The following SORCS3 variants were observed in gnomAD, a reference collection of about 807,000 sequenced individuals.
The protein encoded by SORCS3 is sortilin related VPS10 domain containing receptor 3, also known as VPS10 domain-containing receptor SorCS3.
Under a neutral mutation model 146.3 loss-of-function variants are expected in SORCS3, and 57 were observed. The observed-to-expected ratio is 0.39, with a 90% CI of 0.31 to 0.49. The LOEUF (loss-of-function observed/expected upper bound fraction) is 0.49. Among genes scored for constraint, SORCS3 ranks in the 20% least tolerant of loss-of-function variants. The pLI is 0.92. For synonymous variants in SORCS3, 653 were observed against 618.5 expected (o/e 1.06, Z -0.83); for missense variants, 1,341 against 1,575.5 (o/e 0.85, Z 2.52).
At chr10:104,677,460 G>A (rs1357584799) in intron 1 of SORCS3, among the ~76,000 whole-genome samples, 6 of 152,250 alleles carry the variant, frequency 3.9e-5, no homozygotes, top group Non-Finnish European at 7.3e-5. Flanking sequence ...GTGTTTTGCA[G>A]TGTTTTAATG....
At chr10:104,823,278 G>T (rs1171475617) in intron 1 of SORCS3, among the ~76,000 whole-genome samples, 1 of 152,128 alleles carries the variant, frequency 6.6e-6, no homozygotes, top group Non-Finnish European at 1.5e-5. Context: ...ATGAAATGAG[G>T]TTTAGGCCAT....
intron 3 of SORCS3, among the ~76,000 whole-genome samples, chr10:104,943,128 TATAAA>T (rs539375287): frequency 3.3e-5 from 5 of 152,176 alleles, no homozygotes; most frequent in African/African-American, 1.2e-4. Context: ...AGAAAATAAA[TATAAA>T]ATATTTTTTT....
At chr10:105,004,598 C>T (rs1317053580) in intron 4 of SORCS3, among the ~76,000 whole-genome samples, 2 of 152,086 alleles carry the variant, frequency 1.3e-5, no homozygotes, top group Non-Finnish European at 2.9e-5. Context: ...CAGATCCCTG[C>T]TGTTTGTTTT....
intron 22 of SORCS3, among the ~76,000 whole-genome samples, chr10:105,251,867 G>A (rs547061416): frequency 6.6e-6 from 1 of 152,214 alleles, no homozygotes; most frequent in East Asian, 1.9e-4. Flanking sequence ...ACCACGTTTA[G>A]TATTTTGTTA....
chr10:104,924,175 G>A (rs943571397), intron 3 of SORCS3, among the ~76,000 whole-genome samples: 5 of 152,242 alleles, frequency 3.3e-5, no homozygotes, highest in African/African-American at 1.2e-4. Context: ...AGCTTAAAGG[G>A]CTCTCGGAGA....
chr10:104,904,020 G>A lies in SORCS3; in HGVS notation c.696-11813G>A, dbSNP rs115639948. ...TGTTATTTTAAAATGAGTCAATATT[G>A]TAAATTTTTCTCAGATGTAATTTCT... On this transcript the variant is annotated intron_variant, in intron 2 of 26. Coordinates refer to ENST00000369701, the MANE Select transcript of SORCS3 (RefSeq NM_014978.3). Among the ~76,000 whole-genome samples, 844 of 152,264 alleles carry A rather than the reference G, an allele frequency of 5.5e-3. 14 individuals carry two copies. Among genetic ancestry groups the A allele is most frequent in the African/African-American group, 0.019 (783 of 41,540 alleles).
chr10:105,084,691 A>G (rs957819800), intron 5 of SORCS3, among the ~76,000 whole-genome samples: 1 of 150,968 alleles, frequency 6.6e-6, no homozygotes, highest in Non-Finnish European at 1.5e-5. Flanking sequence ...GCAGAGTGCA[A>G]GCAGCAATTA....
intron 4 of SORCS3, among the ~76,000 whole-genome samples, chr10:105,015,750 GAC>G (rs1223970560): frequency 4.6e-5 from 7 of 151,784 alleles, no homozygotes; most frequent in African/African-American, 1.7e-4. Flanking sequence ...TTCTTTTTGA[GAC>G]ACAGTCTTAC....
Position 104,902,154 on chromosome 10 carries a change from C to T in SORCS3, c.696-13679C>T, listed in dbSNP as rs560018682. On this transcript the variant is annotated intron_variant, in intron 2 of 26. Coordinates refer to ENST00000369701, the MANE Select transcript of SORCS3 (RefSeq NM_014978.3). ...ACAACAAGACTAGAAACCCAATCAACCATAACTCATGGGGCTTGCTGAATG... is the reference window on the plus strand; with the variant it reads ...ACAACAAGACTAGAAACCCAATCAATCATAACTCATGGGGCTTGCTGAATG... Among the ~76,000 whole-genome samples, 441 of 152,288 alleles carry T rather than the reference C, an allele frequency of 2.9e-3. 2 individuals are homozygous for T. Among genetic ancestry groups the T allele is most frequent in the South Asian group, 0.019 (90 of 4,812 alleles).
chr10:104,796,860 T>G (rs541366484), intron 1 of SORCS3, among the ~76,000 whole-genome samples: 11 of 152,152 alleles, frequency 7.2e-5, no homozygotes, highest in Non-Finnish European at 1.2e-4. Flanking sequence ...AATTATTAGT[T>G]TTTTGCACAG....
At position 105,176,171 on chromosome 10, in the gene SORCS3, A is replaced by G. The variant is rs1431514435; in HGVS notation, c.1902-1895A>G. Among the ~76,000 whole-genome samples, 6 of 152,168 alleles carry G rather than the reference A, an allele frequency of 3.9e-5. No homozygotes were observed. In the East Asian group the frequency reaches 1.2e-3, roughly 29 times the overall value. ...TCATGTATTCATTTAACATGTATAT[A>G]GTATCAACTATATGCCAGGTTTTCT... On this transcript the variant is annotated intron_variant, in intron 13 of 26. Transcript: ENST00000369701.
intron 1 of SORCS3, among the ~76,000 whole-genome samples, chr10:104,803,088 T>C (rs149917249): frequency 7.7e-4 from 118 of 152,304 alleles, no homozygotes; most frequent in African/African-American, 2.8e-3. Context: ...GTCACATGCA[T>C]GCTGATAGGG....
In SORCS3 at chr10:104,915,671, T is replaced by C. The variant is rs539809717; in HGVS notation, c.696-162T>C. The stretch of plus-strand genomic sequence containing the variant: ...TAGGTAGTAAGCAGGTGCATTAGTC[T>C]AATTGCTCTTCTAAAATTAATGGGG... On this transcript the variant is annotated intron_variant, in intron 2 of 26. Transcript: ENST00000369701. Among the ~76,000 whole-genome samples the C allele has an allele frequency of 2.9e-3, 446 of 152,312 alleles. 2 individuals are homozygous for C. Among genetic ancestry groups the C allele is most frequent in the South Asian group, 0.019 (90 of 4,826 alleles).
chr10:105,029,936 T>C (rs7083262), intron 4 of SORCS3, among the ~76,000 whole-genome samples: 38,279 of 152,114 alleles, frequency 0.25, 5,358 homozygotes, highest in African/African-American at 0.35. Flanking sequence ...CCTGACCCAC[T>C]GAATTGGATT....
chr10:104,820,233 C>T (rs993137138), intron 1 of SORCS3, among the ~76,000 whole-genome samples: 1 of 152,082 alleles, frequency 6.6e-6, no homozygotes, highest in African/African-American at 2.4e-5. Context: ...TGCTTGGTTA[C>T]CTAATCTAAG....
intron 1 of SORCS3, among the ~76,000 whole-genome samples, chr10:104,827,023 A>T (rs2017944512): frequency 1.3e-5 from 2 of 152,194 alleles, no homozygotes; most frequent in Admixed American, 1.3e-4. Context: ...ACACATCTTC[A>T]GGATCCACTT....
At chr10:104,737,633 T>C (rs2016790382) in intron 1 of SORCS3, among the ~76,000 whole-genome samples, 1 of 152,210 alleles carries the variant, frequency 6.6e-6, no homozygotes, top group African/African-American at 2.4e-5. Context: ...GTTGTTTGCT[T>C]TTTTCTTGTA....
chr10:105,257,633 AT>A (rs2056939117), intron 25 of SORCS3, among the ~76,000 whole-genome samples: 1 of 152,222 alleles, frequency 6.6e-6, no homozygotes, highest in Non-Finnish European at 1.5e-5. Flanking sequence ...ATAAGATCCA[AT>A]TTTAACTTTT....
chr10:104,656,811 A>G (rs2015637382), intron 1 of SORCS3, among the ~76,000 whole-genome samples: 1 of 152,250 alleles, frequency 6.6e-6, no homozygotes, highest in Admixed American at 6.5e-5. Context: ...GATGAATGCT[A>G]AGAGGATGTA....
Sources: gnomAD v4.1 joint callset for allele counts (sites outside exome capture counted in the v4.1 genomes callset) on GRCh38, gnomAD v4.1.1 for gene constraint, MANE v1.5 for transcripts, NCBI Gene and HGNC (gene_info 2026-07-23, HGNC 2026-07-21) for gene names.